ATP7A: variants seen among roughly 807,000 people sequenced by gnomAD.
The protein encoded by ATP7A is ATPase copper transporting alpha.
In ATP7A, 7 loss-of-function variants were observed where a neutral mutation model predicts 83.5. The observed-to-expected ratio is 0.08, with a 90% confidence interval of 0.05 to 0.16. The LOEUF (loss-of-function observed/expected upper bound fraction) is 0.16. Among genes scored for constraint, ATP7A ranks in the 10% least tolerant of loss-of-function variants. ATP7A has a pLI of 1.00. For synonymous variants in ATP7A, 354 were observed against 395.2 expected, an observed-to-expected ratio of 0.90 and a Z score of 1.24; for missense variants, 940 against 1,120.8, an observed-to-expected ratio of 0.84 and a Z score of 2.30.
rs1306534423 is a variant in ATP7A at position 77,943,366 on chromosome X, T to A, written c.-21-28255T>A. Among the ~76,000 whole-genome samples, 12 of 111,928 alleles carry A rather than the reference T, an allele frequency of 1.1e-4. No homozygotes were observed. The East Asian group carries it at 3.1e-3, about 29-fold the overall frequency. ...ACTGTTGTTTTCTTCACTTCCTTAA[T>A]TGCAGTTTCCTCTTTGTTATCTTTA... On this transcript the variant is annotated intron_variant, in intron 1 of 22. Transcript: ENST00000341514.
chrX:78,034,988 C>A (rs1000461898), intron 17 of ATP7A, among the ~76,000 whole-genome samples: 17 of 111,097 alleles, frequency 1.5e-4, no homozygotes, highest in African/African-American at 4.9e-4. Flanking sequence ...AAGTGATCCA[C>A]CCACCTCAGC....
rs937211536 is a variant in ATP7A, at chrX:77,988,465, A to G, written c.344A>G (p.Asp115Gly). ...TTGCTGAAGACCAAGGGTGTGACAG[A>G]CATTAAAATTTACCCTCAGAAAAGA... Reference protein sequence around the residue: ...STLLKTKGVTDIKIYPQKRTV... With the variant: ...STLLKTKGVTGIKIYPQKRTV... Residue 115 changes from aspartate (D) to glycine (G), a missense_variant, in exon 3 of 23, where the codon GAC (aspartate) becomes GGC (glycine). Physicochemically the swap from Asp to Gly is moderately conservative, Grantham distance 94. Around this residue, in one of 3 missense-constraint regions of ATP7A, gnomAD observed 350 missense variants for 432.8 expected, o/e 0.81. Transcript: ENST00000341514. 8.3e-7 allele frequency: 1 copy of G among 1,209,949 alleles called. No individual in the cohort carries two copies. The highest frequency in any genetic ancestry group is 1.7e-5 in the African/African-American group (1 of 57,181).
chrX:77,971,552 G>A, intron 1 of ATP7A, 69 bp from the exon 2 acceptor site: 1 of 1,016,746 alleles, frequency 9.8e-7, no homozygotes, highest in Non-Finnish European at 1.4e-6. Flanking sequence ...TTTAATTGGG[G>A]AGGTGGGGGA....
chrX:78,024,966 T>A (rs1431132004), intron 14 of ATP7A, among the ~76,000 whole-genome samples: 1 of 111,432 alleles, frequency 9.0e-6, no homozygotes, highest in Non-Finnish European at 1.9e-5. Context: ...AACTGCATCA[T>A]AAAATTTAAA....
At chrX:77,919,590 A>G (rs1273047675) in intron 1 of ATP7A, among the ~76,000 whole-genome samples, 1 of 112,516 alleles carries the variant, frequency 8.9e-6, no homozygotes, top group Admixed American at 9.4e-5. Context: ...TCCCAGGCTC[A>G]AGCAATTCTC....
chrX:78,011,268 T>C lies in ATP7A; in HGVS notation c.1946+16T>C. The C allele has an allele frequency of 1.7e-6, 2 of 1,199,241 alleles. No individual in the cohort carries two copies. Among genetic ancestry groups the C allele is most frequent in the Non-Finnish European group, 2.3e-6 (2 of 884,847 alleles). On this transcript the variant is annotated intron_variant, in intron 8 of 22. Transcript: ENST00000341514. ...AAATAAGACAGTAAGTACTTTGGAG[T>C]GTCAGTAAAAAACAGATTTTGACTC...
rs1464490605 is a variant in ATP7A at position 78,048,278 on chromosome X, T to C, written c.*1708T>C. ...CAAGATGGATTTCATATGCAGAATATGTAAATGAAGAGGACTCATAAGTAA... is the reference window on the plus strand; with the variant it reads ...CAAGATGGATTTCATATGCAGAATACGTAAATGAAGAGGACTCATAAGTAA... On this transcript the variant is annotated 3_prime_UTR_variant, in exon 23 of 23. Transcript: ENST00000341514. The C allele has an allele frequency of 8.9e-6, 1 of 112,260 alleles. No homozygotes were observed. The highest frequency in any genetic ancestry group is 1.9e-5 in the Non-Finnish European group (1 of 53,258). 9.3% of individuals were successfully genotyped at this position (112,260 alleles called of 1,213,427 possible).
chrX:78,028,756 T>C (rs1294450288), intron 14 of ATP7A, among the ~76,000 whole-genome samples: 1 of 112,594 alleles, frequency 8.9e-6, no homozygotes, highest in African/African-American at 3.2e-5. Flanking sequence ...TGAACGTCAC[T>C]AAGAGCTTAA....
In ATP7A at chrX:77,988,496, A is replaced by G; in HGVS notation, c.375A>G (p.Val125=). 1.7e-6 allele frequency: 2 copies of G among 1,211,766 alleles called. No homozygotes were observed. The highest frequency in any genetic ancestry group is 3.0e-5 in the East Asian group (1 of 33,839). ...DIKIYPQKRT[V]AVTIIPSIVN... is the part of the protein sequence containing the mutation. Reference sequence around the variant, plus strand: ...AAATTTACCCTCAGAAAAGAACTGTAGCAGTGACAATAATCCCTTCTATAG... The same window carrying G: ...AAATTTACCCTCAGAAAAGAACTGTGGCAGTGACAATAATCCCTTCTATAG... Residue 125 remains valine (V), a synonymous_variant, in exon 3 of 23, where the codon GTA becomes GTG. Coordinates refer to ENST00000341514, the MANE Select transcript of ATP7A (RefSeq NM_000052.7).
Position 77,998,509 on chromosome X carries a change from G to T in ATP7A, c.1368G>T (p.Gln456His), listed in dbSNP as rs147478494. The change falls in exon 5 of 23, where the codon CAG becomes CAT. Residue 456 changes from glutamine to histidine, a missense_variant. Gln to His is a conservative substitution (Grantham distance 24). Coordinates refer to ENST00000341514, the MANE Select transcript of ATP7A (RefSeq NM_000052.7). The stretch of plus-strand genomic sequence containing the variant: ...ATGAGCCGTTGGTAGTAATAGCTCA[G>T]CCTTCATCGGAAATGCCGCTTTTGA... ...DTNEPLVVIAQPSSEMPLLTS... is the reference protein window; with the variant it reads ...DTNEPLVVIAHPSSEMPLLTS... The T allele has an allele frequency of 8.3e-7, 1 of 1,210,201 alleles. No individual in the cohort carries two copies. Among genetic ancestry groups the T allele is most frequent in the African/African-American group, 1.7e-5 (1 of 57,241 alleles).
intron 19 of ATP7A, among the ~76,000 whole-genome samples, chrX:78,042,162 A>G (rs1194334288): frequency 1.8e-5 from 2 of 109,574 alleles, no homozygotes; most frequent in African/African-American, 6.7e-5. Context: ...TATTCTTTCT[A>G]TACTGAATTC....
chrX:78,003,292 G>T, intron 6 of ATP7A, 56 bp downstream of exon 6: 1 of 1,084,833 alleles, frequency 9.2e-7, no homozygotes, highest in Non-Finnish European at 1.3e-6. Flanking sequence ...ACTTGGTAAG[G>T]TTCAGAGAAG....
At chrX:77,916,031 G>A (rs1461618670) in intron 1 of ATP7A, among the ~76,000 whole-genome samples, 2 of 111,343 alleles carry the variant, frequency 1.8e-5, no homozygotes, top group African/African-American at 3.3e-5. Flanking sequence ...CTGCCACCAC[G>A]CCCGGCACAA....
intron 1 of ATP7A, among the ~76,000 whole-genome samples, chrX:77,916,921 G>A (rs146191682): frequency 1.3e-4 from 15 of 111,159 alleles, no homozygotes; most frequent in East Asian, 8.5e-4. Flanking sequence ...CAGGGTATTC[G>A]GAATTTAAAA....
chrX:78,029,595 T>C lies in ATP7A; in HGVS notation c.3111+151T>C. 5 of 625,070 alleles carry C rather than the reference T, an allele frequency of 8.0e-6. No homozygotes were observed. In the South Asian group the frequency reaches 1.1e-4, roughly 14 times the overall value. The allele number at this position is 625,070 out of a possible 1,213,427, so 51.5% of individuals were successfully genotyped here. ...CCAGAGATTTGAGGTAGGAAAGGTG[T>C]TATTTTGGTTCTGCTTCAGATTGGC... On this transcript the variant is annotated intron_variant, in intron 15 of 22. Coordinates refer to ENST00000341514, the MANE Select transcript of ATP7A (RefSeq NM_000052.7).
In ATP7A at chrX:78,020,968, C is replaced by G; in HGVS notation, c.2805C>G (p.Asp935Glu). The G allele has an allele frequency of 8.3e-7, 1 of 1,207,639 alleles. No individual in the cohort carries two copies. The highest frequency in any genetic ancestry group is 1.1e-6 in the Non-Finnish European group (1 of 891,908). Reference sequence around the variant, plus strand: ...AGGCTCCTATCCAGCAGTTTGCAGACAAACTCAGTGGCTATTTTGTTCCTT... The same window carrying G: ...AGGCTCCTATCCAGCAGTTTGCAGAGAAACTCAGTGGCTATTTTGTTCCTT... Reference protein sequence around the residue: ...TSKAPIQQFADKLSGYFVPFI... With the variant: ...TSKAPIQQFAEKLSGYFVPFI... Residue 935 changes from aspartate to glutamate, a missense_variant, in exon 14 of 23, where the codon GAC becomes GAG. Asp to Glu is a conservative substitution (Grantham distance 45). Transcript: ENST00000341514.
chrX:77,995,997 G>A (rs1557232518), intron 4 of ATP7A, among the ~76,000 whole-genome samples: 1 of 111,298 alleles, frequency 9.0e-6, no homozygotes, highest in Non-Finnish European at 1.9e-5. Flanking sequence ...CACCCGCCTC[G>A]GCCTCCCCAA....
intron 3 of ATP7A, 54 bp from the exon 4 acceptor site, chrX:77,989,179 T>C: frequency 1.8e-6 from 2 of 1,127,487 alleles, no homozygotes; most frequent in South Asian, 2.0e-5. Context: ...ACAGAATGTT[T>C]TCTGAAGTAG....
At chrX:77,984,333 T>G (rs1236644960) in intron 2 of ATP7A, among the ~76,000 whole-genome samples, 2 of 101,683 alleles carry the variant, frequency 2.0e-5, no homozygotes, top group Non-Finnish European at 4.0e-5. Flanking sequence ...CATAAGTACC[T>G]TTTTTTTTTT....
Sources: allele counts gnomAD v4.1 joint callset (sites outside exome capture counted in the v4.1 genomes callset), GRCh38; gene constraint gnomAD v4.1.1; regional missense constraint gnomAD v4.1.1; transcripts MANE v1.5; gene names NCBI Gene and HGNC (gene_info 2026-07-23, HGNC 2026-07-21).